Variants in CDC25C observed in about 807,000 individuals in gnomAD.
CDC25C encodes the protein M-phase inducer phosphatase 3.
A neutral mutation model predicts 52.5 loss-of-function variants in CDC25C; 48 were observed. The ratio of observed to expected loss-of-function variants is 0.91; its 90% CI spans 0.72 to 1.16. CDC25C has a LOEUF of 1.16. CDC25C is among the 50% of genes most tolerant of loss of function. CDC25C has a pLI of 0.00. For missense variants in CDC25C, 510 were observed against 566.1 expected, an observed-to-expected ratio of 0.90 and a Z score of 1.01; for synonymous variants, 187 against 206.5, an observed-to-expected ratio of 0.91 and a Z score of 0.81.
In CDC25C at chr5:138,285,720, G is replaced by A. The variant is rs1489953481; in HGVS notation, c.1394C>T (p.Ala465Val). 1.2e-6 allele frequency: 2 copies of A among 1,613,984 alleles called. No individual in the cohort carries two copies. Among genetic ancestry groups the A allele is most frequent in the Non-Finnish European group, 1.7e-6 (2 of 1,179,982 alleles). Reference protein sequence around the residue: ...EGERQLREQIALLVKDMSP With the variant: ...EGERQLREQIVLLVKDMSP ...TGGGCTCATGTCCTTCACCAGAAGG[G>A]CAATCTGCTCCCGCAGCTGCCGCTC... Residue 465 changes from alanine (A) to valine (V), a missense_variant, in exon 14 of 14, where the codon GCC becomes GTC. Transcript: ENST00000323760.
chr5:138,290,235 A>T (rs1020224914), intron 9 of CDC25C, among the ~76,000 whole-genome samples: 1 of 152,228 alleles, frequency 6.6e-6, no homozygotes, highest in African/African-American at 2.4e-5. Flanking sequence ...ACAGAAAAAA[A>T]TCTGTAAGAA....
At chr5:138,325,675 G>T (rs749227065) in intron 6 of CDC25C, 140 bp downstream of exon 6, 4 of 642,800 alleles carry the variant, frequency 6.2e-6, no homozygotes, top group Non-Finnish European at 7.9e-6. Context: ...CAAAAACAAA[G>T]AAATTTTCTC....
At chr5:138,328,657 C>A in intron 3 of CDC25C, 128 bp from the exon 4 acceptor site, 1 of 737,390 alleles carries the variant, frequency 1.4e-6, no homozygotes, top group South Asian at 1.6e-5. Context: ...AATACAAAGC[C>A]TCTCGATTGG....
intron 7 of CDC25C, among the ~76,000 whole-genome samples, chr5:138,310,603 C>G (rs1758374019): frequency 6.6e-6 from 1 of 152,180 alleles, no homozygotes; most frequent in Non-Finnish European, 1.5e-5. Context: ...AAGTATTGCT[C>G]TACATGTTTT....
At chr5:138,335,724 A>AT (rs1760652014), upstream of CDC25C, among the ~76,000 whole-genome samples, 1 of 151,172 alleles carries the variant, frequency 6.6e-6, no homozygotes, top group African/African-American at 2.4e-5. Flanking sequence ...ACGAAAGGGG[A>AT]TGTAACCTTC....
chr5:138,325,299 T>C (rs551149021), intron 6 of CDC25C, among the ~76,000 whole-genome samples: 43 of 152,232 alleles, frequency 2.8e-4, no homozygotes, highest in African/African-American at 7.7e-4. Context: ...AGAACTATCT[T>C]AGTGATGAGG....
intron 7 of CDC25C, among the ~76,000 whole-genome samples, chr5:138,318,873 A>C (rs1214550194): frequency 1.3e-5 from 2 of 152,210 alleles, no homozygotes; most frequent in African/African-American, 4.8e-5. Context: ...TTTTGTATCA[A>C]AAAGCTGAGT....
intron 7 of CDC25C, among the ~76,000 whole-genome samples, chr5:138,296,574 C>T (rs1757198882): frequency 1.3e-5 from 2 of 150,910 alleles, no homozygotes; most frequent in South Asian, 2.1e-4. Context: ...TCATGCCTGG[C>T]TAATTTTGTA....
chr5:138,326,201 G>C, intron 4 of CDC25C, 147 bp from the exon 5 acceptor site: 1 of 816,296 alleles, frequency 1.2e-6, no homozygotes, highest in Non-Finnish European at 2.1e-6. Flanking sequence ...CAATACATAG[G>C]GTATTCTCTG....
intron 1 of CDC25C, chr5:138,337,897 T>C: frequency 8.3e-7 from 1 of 1,203,072 alleles, no homozygotes; most frequent in Non-Finnish European, 1.1e-6. Flanking sequence ...CCGAACCGAG[T>C]GGGAGGCTGC....
chr5:138,308,029 A>T (rs1189491162), intron 7 of CDC25C, among the ~76,000 whole-genome samples: 1 of 151,942 alleles, frequency 6.6e-6, no homozygotes, highest in Non-Finnish European at 1.5e-5. Flanking sequence ...GCCTCCTATG[A>T]GAATCTAATG....
At chr5:138,311,073 C>A (rs565597800) in intron 7 of CDC25C, among the ~76,000 whole-genome samples, 6 of 152,230 alleles carry the variant, frequency 3.9e-5, no homozygotes, top group Admixed American at 2.0e-4. Flanking sequence ...CAAGACCATT[C>A]AATGAAGAAA....
chr5:138,301,561 GA>G (rs34491218), intron 7 of CDC25C, among the ~76,000 whole-genome samples: 39 of 146,656 alleles, frequency 2.7e-4, no homozygotes, highest in African/African-American at 9.6e-4. Flanking sequence ...CCAGAAAATT[GA>G]AAAAAAAAGA....
intron 7 of CDC25C, among the ~76,000 whole-genome samples, chr5:138,299,495 CA>C (rs70982704): frequency 0.68 from 61,844 of 90,376 alleles, 18,170 homozygotes; most frequent in Middle Eastern, 0.8. Flanking sequence ...GACTCCGTCT[CA>C]AAAAAAAAAA....
At chr5:138,327,630 C>T (rs540716324) in intron 4 of CDC25C, among the ~76,000 whole-genome samples, 1 of 152,198 alleles carries the variant, frequency 6.6e-6, no homozygotes, top group South Asian at 2.1e-4. Flanking sequence ...GAGCCAGACT[C>T]CATCTCAAAA....
chr5:138,330,678 T>C (rs1164628090), intron 2 of CDC25C, among the ~76,000 whole-genome samples: 3 of 152,178 alleles, frequency 2.0e-5, no homozygotes. Flanking sequence ...CAGCTAACTT[T>C]TAATATTTTT....
At chr5:138,303,651 C>G (rs1028248662) in intron 7 of CDC25C, among the ~76,000 whole-genome samples, 2 of 152,188 alleles carry the variant, frequency 1.3e-5, no homozygotes, top group African/African-American at 4.8e-5. Flanking sequence ...TCAAACGTCA[C>G]TCTCAAATAA....
At position 138,328,530 on chromosome 5, in the gene CDC25C, C is replaced by T; in HGVS notation, c.290-1G>A. ...TGAAGTCCTGAAGAATCCAGGTGAC[C>T]TGCAATCAAATATAAAGAATCAGTA... On this transcript the variant is annotated splice_acceptor_variant, in intron 3 of 13. Coordinates refer to ENST00000323760, the MANE Select transcript of CDC25C (RefSeq NM_001790.5). LOFTEE classifies it high-confidence loss of function. 1.2e-6 allele frequency: 2 copies of T among 1,612,666 alleles called. No homozygotes were observed. The highest frequency in any genetic ancestry group is 1.7e-6 in the Non-Finnish European group (2 of 1,178,666).
intron 7 of CDC25C, among the ~76,000 whole-genome samples, chr5:138,308,161 C>T (rs1013181844): frequency 6.6e-6 from 1 of 152,044 alleles, no homozygotes; most frequent in African/African-American, 2.4e-5. Flanking sequence ...GATCCATGGC[C>T]CACGGGTTGG....
Sources: allele counts gnomAD v4.1 joint callset (sites outside exome capture counted in the v4.1 genomes callset), GRCh38; gene constraint gnomAD v4.1.1; transcripts MANE v1.5; gene names NCBI Gene and HGNC (gene_info 2026-07-23, HGNC 2026-07-21).